Variants in PARVA observed in about 807,000 individuals in gnomAD.
PARVA encodes parvin alpha.
In PARVA, 25 loss-of-function variants were observed where a neutral mutation model predicts 52.6. The observed-to-expected ratio is 0.48, with a 90% confidence interval of 0.35 to 0.66. The LOEUF is 0.66. Among genes scored for constraint, PARVA ranks in the 30% least tolerant of loss-of-function variants. The pLI, the probability that PARVA is intolerant of heterozygous loss-of-function variation, is 0.01. For missense variants in PARVA, 373 were observed against 450.9 expected, an observed-to-expected ratio of 0.83 and a Z score of 1.56; for synonymous variants, 185 against 179.1, an observed-to-expected ratio of 1.03 and a Z score of -0.26.
chr11:12,523,562 AT>A (rs1236045180), intron 12 of PARVA, among the ~76,000 whole-genome samples: 2 of 152,084 alleles, frequency 1.3e-5, no homozygotes, highest in African/African-American at 2.4e-5. Context: ...TCCTTTAGAG[AT>A]TCATGAACTC....
chr11:12,489,600 A>AC, intron 4 of PARVA, among the ~76,000 whole-genome samples: 1 of 152,234 alleles, frequency 6.6e-6, no homozygotes, highest in South Asian at 2.1e-4. Context: ...ATTTTCTAGA[A>AC]TTGATGAAAG....
At chr11:12,439,772 G>A (rs1187733169) in intron 1 of PARVA, among the ~76,000 whole-genome samples, 1 of 152,054 alleles carries the variant, frequency 6.6e-6, no homozygotes, top group Non-Finnish European at 1.5e-5. Flanking sequence ...TTCCCTACAG[G>A]AGCAAAGTAC....
chr11:12,531,714 A>G lies in PARVA; in HGVS notation c.*3789A>G, dbSNP rs1196241284. Among the ~76,000 whole-genome samples the G allele has an allele frequency of 1.3e-5, 2 of 151,750 alleles. No homozygotes were observed. The highest frequency in any genetic ancestry group is 2.9e-5 in the Non-Finnish European group (2 of 67,994). ...ATAGGCAAGAGGGATATGTCCTGAA[A>G]TCTTCACTAATTCCAAGATTGCGTG... is the stretch of plus-strand genomic sequence containing the variant. On this transcript the variant is annotated 3_prime_UTR_variant, in exon 13 of 13. Coordinates refer to ENST00000334956, the MANE Select transcript of PARVA (RefSeq NM_018222.5).
intron 1 of PARVA, among the ~76,000 whole-genome samples, chr11:12,461,851 T>C (rs933325442): frequency 1.3e-5 from 2 of 152,140 alleles, no homozygotes; most frequent in Non-Finnish European, 2.9e-5. Context: ...TAAGTTCTCT[T>C]TTTTGGCTGT....
intron 1 of PARVA, among the ~76,000 whole-genome samples, chr11:12,410,629 G>C (rs1466452551): frequency 6.6e-6 from 1 of 152,162 alleles, no homozygotes; most frequent in Non-Finnish European, 1.5e-5. Flanking sequence ...TCAGCAGCAG[G>C]AGCCCAGTGC....
chr11:12,440,604 G>C (rs1940452951), intron 1 of PARVA, among the ~76,000 whole-genome samples: 1 of 152,352 alleles, frequency 6.6e-6, no homozygotes, highest in Non-Finnish European at 1.5e-5. Context: ...CAAGTTGTTG[G>C]CTGGGCAGGG....
intron 6 of PARVA, among the ~76,000 whole-genome samples, chr11:12,507,389 A>G (rs915070089): frequency 1.3e-5 from 2 of 152,168 alleles, no homozygotes; most frequent in Non-Finnish European, 2.9e-5. Context: ...CCTCACACCC[A>G]TCAGAAAGTC....
chr11:12,381,864 T>C (rs868674735), intron 1 of PARVA, among the ~76,000 whole-genome samples: 26 of 152,256 alleles, frequency 1.7e-4, no homozygotes, highest in South Asian at 1.2e-3. Flanking sequence ...ATTCAACTTT[T>C]CTTATAATGT....
chr11:12,377,452 C>A, upstream of PARVA: 1 of 1,394,788 alleles, frequency 7.2e-7, no homozygotes, highest in Non-Finnish European at 9.2e-7. Context: ...CAGCTCCTTC[C>A]AGGGCAGAGG....
At chr11:12,490,131 G>A (rs1190537983) in intron 4 of PARVA, among the ~76,000 whole-genome samples, 2 of 150,882 alleles carry the variant, frequency 1.3e-5, no homozygotes, top group Admixed American at 6.6e-5. Flanking sequence ...CAGGAGAATG[G>A]CGTGAACCAG....
chr11:12,502,410 AT>A (rs11402267), intron 5 of PARVA, among the ~76,000 whole-genome samples: 61 of 149,932 alleles, frequency 4.1e-4, no homozygotes, highest in African/African-American at 1.2e-3. Flanking sequence ...CAAAATAGGC[AT>A]TTTTTTTTTG....
At chr11:12,377,892 C>A in intron 1 of PARVA, 109 bp downstream of exon 1, 2 of 590,618 alleles carry the variant, frequency 3.4e-6, no homozygotes, top group Non-Finnish European at 4.7e-6. Context: ...GTGCCCGGCG[C>A]GGTGGGGCGC....
chr11:12,474,108 C>T (rs1940972474), intron 3 of PARVA, 125 bp downstream of exon 3: 10 of 743,132 alleles, frequency 1.3e-5, no homozygotes, highest in South Asian at 1.1e-4. Context: ...CAGCCCCTGC[C>T]TCAGGCAGTG....
intron 1 of PARVA, among the ~76,000 whole-genome samples, chr11:12,383,432 C>T (rs1452311789): frequency 2.0e-5 from 3 of 152,226 alleles, no homozygotes; most frequent in Non-Finnish European, 4.4e-5. Context: ...TTTTATCCCC[C>T]AGAGTTTTAC....
intron 4 of PARVA, among the ~76,000 whole-genome samples, chr11:12,488,368 G>T (rs1001217646): frequency 1.3e-5 from 2 of 152,174 alleles, no homozygotes; most frequent in African/African-American, 4.8e-5. Flanking sequence ...GTATGGGATG[G>T]CTAAACTGGT....
chr11:12,435,567 G>A, intron 1 of PARVA, among the ~76,000 whole-genome samples: 1 of 152,146 alleles, frequency 6.6e-6, no homozygotes, highest in East Asian at 1.9e-4. Flanking sequence ...AATTACAGGG[G>A]GGTTTGAGCT....
intron 1 of PARVA, among the ~76,000 whole-genome samples, chr11:12,437,619 G>A (rs948514223): frequency 2.6e-5 from 4 of 152,210 alleles, no homozygotes; most frequent in South Asian, 2.1e-4. Flanking sequence ...AGCAGACTTA[G>A]AGAGTGGATA....
chr11:12,481,679 G>C (rs553400858), intron 4 of PARVA, among the ~76,000 whole-genome samples: 1 of 152,168 alleles, frequency 6.6e-6, no homozygotes, highest in Non-Finnish European at 1.5e-5. Flanking sequence ...TATTAACTAG[G>C]CATGACTGTT....
intron 1 of PARVA, among the ~76,000 whole-genome samples, chr11:12,459,507 A>G (rs572849349): frequency 6.6e-6 from 1 of 152,282 alleles, no homozygotes; most frequent in African/African-American, 2.4e-5. Context: ...GAGGCCCCAC[A>G]TTCCTTGCTG....
Sources: gnomAD v4.1 joint callset for allele counts (sites outside exome capture counted in the v4.1 genomes callset) on GRCh38, gnomAD v4.1.1 for gene constraint, MANE v1.5 for transcripts, NCBI Gene and HGNC (gene_info 2026-07-23, HGNC 2026-07-21) for gene names.